The following TAS2R1 variants were observed in gnomAD, a reference collection of about 807,000 sequenced individuals.
TAS2R1 encodes taste receptor type 2 member 1.
For synonymous variants in TAS2R1, 141 were observed against 134.2 expected (o/e 1.05, Z -0.35); for missense variants, 370 against 353.4 (o/e 1.05, Z -0.38).
At chr5:9,792,360 C>A in the TAS2R1 span, among the ~76,000 whole-genome samples, 1 of 152,148 alleles carries the variant, frequency 6.6e-6, no homozygotes, top group Admixed American at 6.5e-5. Flanking sequence ...AGAATGAACC[C>A]ATCTGTTCTA....
the TAS2R1 span, among the ~76,000 whole-genome samples, chr5:9,746,812 T>C: frequency 1.3e-5 from 2 of 152,192 alleles, no homozygotes; most frequent in African/African-American, 2.4e-5. Context: ...AAATACCTAA[T>C]GTATGTGGGG....
At chr5:9,657,416 A>G (rs888714051) in intron 2 of TAS2R1, among the ~76,000 whole-genome samples, 2 of 152,336 alleles carry the variant, frequency 1.3e-5, no homozygotes, top group South Asian at 4.1e-4. Context: ...TACTAAAAAT[A>G]CCGAGCTCTG....
the TAS2R1 span, among the ~76,000 whole-genome samples, chr5:9,763,341 A>T: frequency 6.6e-6 from 1 of 152,138 alleles, no homozygotes; most frequent in Non-Finnish European, 1.5e-5. Context: ...CATCTCTCCC[A>T]AAAATACAAA....
intron 1 of TAS2R1, among the ~76,000 whole-genome samples, chr5:9,666,375 C>T (rs1466987215): frequency 6.6e-6 from 1 of 152,114 alleles, no homozygotes; most frequent in Non-Finnish European, 1.5e-5. Context: ...CTCACATCTG[C>T]CCCTAAAATG....
At chr5:9,870,724 G>A in the TAS2R1 span, among the ~76,000 whole-genome samples, 1 of 152,192 alleles carries the variant, frequency 6.6e-6, no homozygotes, top group Non-Finnish European at 1.5e-5. Flanking sequence ...AGGGTAAGTA[G>A]TCCAATCCCC....
At chr5:9,744,680 C>T in the TAS2R1 span, among the ~76,000 whole-genome samples, 29 of 152,096 alleles carry the variant, frequency 1.9e-4, no homozygotes, top group Admixed American at 5.9e-4. Flanking sequence ...ACAATGGCCC[C>T]CAAAGACATC....
chr5:9,857,826 C>T, the TAS2R1 span, among the ~76,000 whole-genome samples: 1 of 152,110 alleles, frequency 6.6e-6, no homozygotes, highest in Non-Finnish European at 1.5e-5. Context: ...ACCAGTCAGC[C>T]TACCCAGAGA....
At chr5:9,756,363 G>C in the TAS2R1 span, among the ~76,000 whole-genome samples, 1 of 152,152 alleles carries the variant, frequency 6.6e-6, no homozygotes, top group Non-Finnish European at 1.5e-5. Context: ...ATTCCCATTA[G>C]AGTATAGAGA....
the TAS2R1 span, among the ~76,000 whole-genome samples, chr5:9,798,206 T>G: frequency 1.3e-5 from 2 of 152,214 alleles, no homozygotes; most frequent in Non-Finnish European, 1.5e-5. Context: ...AGATTCGTGG[T>G]TGCCTTGAGT....
At chr5:9,832,934 T>C in the TAS2R1 span, among the ~76,000 whole-genome samples, 2 of 152,216 alleles carry the variant, frequency 1.3e-5, no homozygotes, top group African/African-American at 4.8e-5. Flanking sequence ...CTTGCTTTTA[T>C]ACATTTTAGG....
the TAS2R1 span, among the ~76,000 whole-genome samples, chr5:9,871,904 A>C: frequency 6.6e-6 from 1 of 152,236 alleles, no homozygotes; most frequent in African/African-American, 2.4e-5. Flanking sequence ...AAACACAATG[A>C]TCAAAGGGTA....
the TAS2R1 span, among the ~76,000 whole-genome samples, chr5:9,829,326 G>A: frequency 2.0e-5 from 3 of 152,108 alleles, no homozygotes; most frequent in Admixed American, 2.0e-4. Flanking sequence ...GAAAAGTTCA[G>A]CTCTTCACCA....
intron 1 of TAS2R1, among the ~76,000 whole-genome samples, chr5:9,695,815 G>A (rs1036822729): frequency 2.0e-5 from 3 of 152,162 alleles, no homozygotes; most frequent in Admixed American, 6.6e-5. Flanking sequence ...TGAGAGGCAG[G>A]AGAAGAGGCA....
chr5:9,785,303 C>T, the TAS2R1 span, among the ~76,000 whole-genome samples: 2 of 152,132 alleles, frequency 1.3e-5, no homozygotes, highest in Admixed American at 6.5e-5. Context: ...CACGGTTTTA[C>T]AAAAATAGAA....
At chr5:9,666,686 T>C (rs1180147536) in intron 1 of TAS2R1, among the ~76,000 whole-genome samples, 3 of 151,584 alleles carry the variant, frequency 2.0e-5, no homozygotes, top group Non-Finnish European at 4.4e-5. Flanking sequence ...CTGCAGATAA[T>C]AGGGAAATGA....
At chr5:9,761,602 T>C in the TAS2R1 span, among the ~76,000 whole-genome samples, 1 of 152,246 alleles carries the variant, frequency 6.6e-6, no homozygotes, top group East Asian at 1.9e-4. Context: ...ATTTGTCATT[T>C]TCTCTAAACT....
At chr5:9,749,063 T>C in the TAS2R1 span, among the ~76,000 whole-genome samples, 2 of 152,136 alleles carry the variant, frequency 1.3e-5, no homozygotes, top group Admixed American at 1.3e-4. Context: ...TTTAGACTTC[T>C]CCCCCTTCTA....
At chr5:9,885,126 C>T in the TAS2R1 span, among the ~76,000 whole-genome samples, 6 of 152,210 alleles carry the variant, frequency 3.9e-5, no homozygotes, top group Non-Finnish European at 5.9e-5. Flanking sequence ...CCCAAGGTCA[C>T]TCAGCCAATA....
the TAS2R1 span, among the ~76,000 whole-genome samples, chr5:9,887,861 G>A: frequency 4.5e-4 from 68 of 152,282 alleles, no homozygotes; most frequent in Admixed American, 1.6e-3. Flanking sequence ...GACAAGAAAA[G>A]ACAATGGATA....
Sources: allele counts gnomAD v4.1 joint callset (sites outside exome capture counted in the v4.1 genomes callset), GRCh38; gene constraint gnomAD v4.1.1; transcripts MANE v1.5; gene names NCBI Gene and HGNC (gene_info 2026-07-23, HGNC 2026-07-21).